The following PIGU variants were observed in gnomAD, a reference collection of about 807,000 sequenced individuals.
The protein encoded by PIGU is phosphatidylinositol glycan anchor biosynthesis class U.
A neutral mutation model predicts 49.9 loss-of-function variants in PIGU; 24 were observed. The observed-to-expected ratio is 0.48, with a 90% CI of 0.35 to 0.68. The LOEUF (loss-of-function observed/expected upper bound fraction) is 0.68, where lower values mean the gene tolerates loss of function less well. Ranked by LOEUF, PIGU falls within the 30% of genes least tolerant of loss-of-function variation. The pLI, the probability that PIGU is intolerant of heterozygous loss-of-function variation, is 0.01. For synonymous variants in PIGU, 220 were observed against 205.7 expected, an observed-to-expected ratio of 1.07 and a Z score of -0.59; for missense variants, 490 against 532.6, an observed-to-expected ratio of 0.92 and a Z score of 0.79.
intron 4 of PIGU, among the ~76,000 whole-genome samples, chr20:34,642,460 G>T (rs1986194677): frequency 6.6e-6 from 1 of 151,442 alleles, no homozygotes; most frequent in African/African-American, 2.4e-5. Context: ...TAACTAGGGA[G>T]TGTGAGAGGT....
chr20:34,610,662 A>G (rs1984780175), intron 7 of PIGU, among the ~76,000 whole-genome samples: 2 of 152,252 alleles, frequency 1.3e-5, no homozygotes, highest in South Asian at 4.1e-4. Context: ...TGCTATTCCC[A>G]TCAAGCTACC....
intron 7 of PIGU, among the ~76,000 whole-genome samples, chr20:34,590,606 C>T (rs1370145365): frequency 1.3e-5 from 2 of 151,498 alleles, no homozygotes; most frequent in East Asian, 3.9e-4. Context: ...CATAACATAA[C>T]ATAACATAAC....
At chr20:34,565,708 G>GACACACAC (rs138862528) in intron 11 of PIGU, among the ~76,000 whole-genome samples, 112 of 147,090 alleles carry the variant, frequency 7.6e-4, no homozygotes, top group African/African-American at 2.4e-3. Context: ...CACCTCTCTG[G>GACACACAC]ACACACACAC....
intron 1 of PIGU, among the ~76,000 whole-genome samples, chr20:34,670,050 G>A (rs368826197): frequency 2.0e-5 from 3 of 152,306 alleles, no homozygotes; most frequent in Non-Finnish European, 2.9e-5. Context: ...GGATTGTGAC[G>A]AAGGGGGGCT....
chr20:34,655,066 G>A (rs758308397), intron 2 of PIGU, among the ~76,000 whole-genome samples: 3 of 118,262 alleles, frequency 2.5e-5, no homozygotes, highest in Non-Finnish European at 5.4e-5. Flanking sequence ...CAACACTTTC[G>A]GAGGCCAAGG....
chr20:34,651,354 C>T (rs1986535083), intron 2 of PIGU, among the ~76,000 whole-genome samples: 2 of 152,202 alleles, frequency 1.3e-5, no homozygotes, highest in South Asian at 2.1e-4. Context: ...TGGTCTCTAG[C>T]CAGCCAATTT....
At chr20:34,568,174 C>T (rs1443886808) in intron 11 of PIGU, among the ~76,000 whole-genome samples, 1 of 152,146 alleles carries the variant, frequency 6.6e-6, no homozygotes, top group Non-Finnish European at 1.5e-5. Context: ...GGGCTGGAGT[C>T]GCTATAGAGT....
At chr20:34,604,131 G>T (rs1202601701) in intron 7 of PIGU, among the ~76,000 whole-genome samples, 1 of 152,100 alleles carries the variant, frequency 6.6e-6, no homozygotes, top group Non-Finnish European at 1.5e-5. Context: ...TGATCCAAGG[G>T]TTATGTGCAC....
At chr20:34,567,060 C>G (rs1600583699) in intron 11 of PIGU, among the ~76,000 whole-genome samples, 1 of 152,240 alleles carries the variant, frequency 6.6e-6, no homozygotes, top group East Asian at 1.9e-4. Flanking sequence ...TCCTGGTTCC[C>G]CAGGCCTCCT....
At chr20:34,634,332 A>T (rs1053422561) in intron 6 of PIGU, among the ~76,000 whole-genome samples, 1 of 151,904 alleles carries the variant, frequency 6.6e-6, no homozygotes, top group Non-Finnish European at 1.5e-5. Context: ...TCAGCTTCCC[A>T]AAGTGCTGAG....
At position 34,654,172 on chromosome 20, in the gene PIGU, G is replaced by C. The variant is rs1414250647; in HGVS notation, c.195+3008C>G. ...GTGCCCGGCCCTGTGTGCTTATTAA[G>C]AGTCTCTTGGCCGGGCACGGTGGCT... On this transcript the variant is annotated intron_variant, in intron 2 of 11. Coordinates refer to ENST00000217446, the MANE Select transcript of PIGU (RefSeq NM_080476.5). Among the ~76,000 whole-genome samples, 2 of 92,870 alleles carry C rather than the reference G, an allele frequency of 2.2e-5. 1 individual carries two copies. Among genetic ancestry groups the C allele is most frequent in the Non-Finnish European group, 4.5e-5 (2 of 44,618 alleles). 60.9% of individuals were successfully genotyped at this position (92,870 alleles called of 152,430 possible).
At chr20:34,666,986 C>T (rs1396300059) in intron 1 of PIGU, among the ~76,000 whole-genome samples, 1 of 152,074 alleles carries the variant, frequency 6.6e-6, no homozygotes, top group Non-Finnish European at 1.5e-5. Context: ...GCGTGAGCCA[C>T]CGCGCCCAGC....
At chr20:34,608,992 A>T (rs931309375) in intron 7 of PIGU, among the ~76,000 whole-genome samples, 10 of 152,150 alleles carry the variant, frequency 6.6e-5, no homozygotes, top group Non-Finnish European at 1.2e-4. Flanking sequence ...GCCCTAAAGA[A>T]TAATTTTAGG....
intron 6 of PIGU, among the ~76,000 whole-genome samples, chr20:34,627,574 T>C (rs973422724): frequency 5.3e-5 from 8 of 152,154 alleles, no homozygotes; most frequent in African/African-American, 1.9e-4. Context: ...AAAATATTTT[T>C]TTTTAATGGC....
At chr20:34,636,579 A>G (rs928501672) in intron 5 of PIGU, among the ~76,000 whole-genome samples, 1 of 152,172 alleles carries the variant, frequency 6.6e-6, no homozygotes, top group African/African-American at 2.4e-5. Context: ...CAAGGAAAAC[A>G]TAAATAAAAG....
chr20:34,655,102 T>A (rs1200566513), intron 2 of PIGU, among the ~76,000 whole-genome samples: 2 of 111,090 alleles, frequency 1.8e-5, no homozygotes, highest in African/African-American at 6.7e-5. Context: ...AGTGCAGGAG[T>A]TCAAGACCAG....
At chr20:34,572,098 C>T (rs934000837) in intron 11 of PIGU, among the ~76,000 whole-genome samples, 13 of 152,174 alleles carry the variant, frequency 8.5e-5, no homozygotes. Flanking sequence ...AATCCCACCA[C>T]GTGGAATCTA....
intron 4 of PIGU, among the ~76,000 whole-genome samples, chr20:34,638,875 A>T (rs1600650787): frequency 6.6e-6 from 1 of 152,348 alleles, no homozygotes; most frequent in East Asian, 1.9e-4. Flanking sequence ...AATATAGATG[A>T]GAAAGCCTCT....
intron 10 of PIGU, 38 bp from the exon 11 acceptor site, chr20:34,575,284 C>G: frequency 6.2e-7 from 1 of 1,602,674 alleles, no homozygotes; most frequent in South Asian, 1.1e-5. Context: ...CTGACACGCT[C>G]TCTCTGGCAT....
Sources: gnomAD v4.1 joint callset for allele counts (sites outside exome capture counted in the v4.1 genomes callset) on GRCh38, gnomAD v4.1.1 for gene constraint, MANE v1.5 for transcripts, NCBI Gene and HGNC (gene_info 2026-07-23, HGNC 2026-07-21) for gene names.